The following FOLH1 variants were observed in gnomAD, a reference collection of about 807,000 sequenced individuals.
FOLH1 encodes the protein glutamate carboxypeptidase 2.
Under a neutral mutation model 93.9 loss-of-function variants are expected in FOLH1, and 54 were observed. That is an observed-to-expected ratio of 0.57 (90% CI 0.46 to 0.72). FOLH1 has a LOEUF of 0.72. Among genes scored for constraint, FOLH1 ranks in the 30% least tolerant of loss-of-function variants. The probability of loss-of-function intolerance (pLI) is 0.00; values close to 1 mark genes in which losing one functional copy is unlikely to be tolerated. For missense variants in FOLH1, 571 were observed against 892.5 expected (o/e 0.64, Z 4.59); for synonymous variants, 249 against 303.6 (o/e 0.82, Z 1.87).
At chr11:49,193,409 G>A (rs2135261398) in intron 3 of FOLH1, among the ~76,000 whole-genome samples, 1 of 152,312 alleles carries the variant, frequency 6.6e-6, no homozygotes, top group Non-Finnish European at 1.5e-5. Context: ...GAGAGAACTT[G>A]TAAGGACTAG....
chr11:49,183,281 G>A (rs1249843183), intron 6 of FOLH1, 39 bp from the exon 7 acceptor site: 2 of 1,490,738 alleles, frequency 1.3e-6, no homozygotes, highest in Admixed American at 3.6e-5. Flanking sequence ...TAAAAACTCA[G>A]TTTCATTCAA....
rs982739089 is a variant in FOLH1, at chr11:49,173,559, C to G, written c.1106-83G>C. 44 of 1,014,562 alleles carry G rather than the reference C, an allele frequency of 4.3e-5. No homozygotes were observed. In the African/African-American group the frequency reaches 7.8e-4, roughly 18 times the overall value. 62.8% of individuals were successfully genotyped at this position (1,014,562 alleles called of 1,614,324 possible). A position where few individuals can be genotyped will look rare whatever the true frequency, so the allele number is the denominator to read the frequency against. ...CAAATGACTCAATAGCATCTAAATA[C>G]AAAGCACTCACGCCTCAGAAAAAAA... On this transcript the variant is annotated intron_variant, in intron 9 of 18. Transcript: ENST00000256999.
chr11:49,172,507 T>C (rs1166140774), intron 10 of FOLH1, among the ~76,000 whole-genome samples: 2 of 152,160 alleles, frequency 1.3e-5, no homozygotes, highest in African/African-American at 4.8e-5. Flanking sequence ...TAAACCTTGG[T>C]TAACCTATCT....
intron 7 of FOLH1, among the ~76,000 whole-genome samples, chr11:49,180,021 G>A (rs1462661846): frequency 6.6e-6 from 1 of 152,196 alleles, no homozygotes; most frequent in Non-Finnish European, 1.5e-5. Flanking sequence ...ATAAGAATGA[G>A]CCAATACTAT....
Position 49,208,305 on chromosome 11 carries a change from G to C in FOLH1, c.105C>G (p.Leu35=). 6.4e-7 allele frequency: 1 copy of C among 1,568,938 alleles called. No homozygotes were observed. The highest frequency in any genetic ancestry group is 8.7e-7 in the Non-Finnish European group (1 of 1,154,928). The part of the protein sequence containing the change: ...ALVLAGGFFL[L]GFLFGWFIKS... ...GCGCCCCCCTACCGAAGAGGAAGCC[G>C]AGGAGAAAGAAGCCACCCGCCAGCA... is the stretch of plus-strand genomic sequence containing the variant. Residue 35 remains leucine, a synonymous_variant, in exon 1 of 19, where the codon CTC becomes CTG. Transcript: ENST00000256999.
In FOLH1 at chr11:49,190,205, T is replaced by G. The variant is rs571619179; in HGVS notation, c.513+2588A>C. Among the ~76,000 whole-genome samples, 4 of 152,330 alleles carry G rather than the reference T, an allele frequency of 2.6e-5. No homozygotes were observed. The South Asian group carries it at 6.2e-4, about 24-fold the overall frequency. ...CTTTAAATGTCTCTAAATGTGGCTG[T>G]CTTTTGATATATCAGCAATCCTCAC... On this transcript the variant is annotated intron_variant, in intron 4 of 18. Coordinates refer to ENST00000256999, the MANE Select transcript of FOLH1 (RefSeq NM_004476.3).
Position 49,146,868 on chromosome 11 carries a change from T to C in FOLH1, c.2141A>G (p.Asp714Gly). 6.2e-6 allele frequency: 10 copies of C among 1,613,472 alleles called. No individual in the cohort carries two copies. Among genetic ancestry groups the C allele is most frequent in the Non-Finnish European group, 8.5e-6 (10 of 1,179,622 alleles). The change falls in exon 19 of 19, where the codon GAT becomes GGT. Residue 714 changes from aspartate to glycine, a missense_variant. Physicochemically the swap from Asp to Gly is moderately conservative, Grantham distance 94. Transcript: ENST00000256999. ...GGAAGGGTCCACTTTGCTTTCAATA[T>C]CAAACAGAGCATCATAAATTCCTGG... is the stretch of plus-strand genomic sequence containing the variant. ...SFPGIYDALF[D>G]IESKVDPSKA...
At chr11:49,148,482 T>C (rs1209317993) in intron 18 of FOLH1, among the ~76,000 whole-genome samples, 157 bp downstream of exon 18, 1 of 151,706 alleles carries the variant, frequency 6.6e-6, no homozygotes, top group Non-Finnish European at 1.5e-5. Flanking sequence ...TTACATTATA[T>C]GAAGAAACAA....
intron 11 of FOLH1, among the ~76,000 whole-genome samples, chr11:49,170,890 T>C (rs1859179527): frequency 6.6e-6 from 1 of 152,052 alleles, no homozygotes; most frequent in Admixed American, 6.6e-5. Flanking sequence ...AGAAACTAAC[T>C]CCTTGTTTTG....
At chr11:49,178,774 C>T (rs913259565) in intron 7 of FOLH1, among the ~76,000 whole-genome samples, 1 of 152,064 alleles carries the variant, frequency 6.6e-6, no homozygotes, top group Non-Finnish European at 1.5e-5. Flanking sequence ...AAAATGTCTC[C>T]GAACATATTT....
At chr11:49,171,985 G>A (rs1394125589) in intron 10 of FOLH1, among the ~76,000 whole-genome samples, 1 of 152,092 alleles carries the variant, frequency 6.6e-6, no homozygotes, top group African/African-American at 2.4e-5. Context: ...GACACCACTT[G>A]ATTGTGGGAG....
chr11:49,196,291 C>T (rs189979782), intron 3 of FOLH1, among the ~76,000 whole-genome samples: 21 of 152,044 alleles, frequency 1.4e-4, no homozygotes, highest in East Asian at 5.8e-4. Context: ...TGTTATATGA[C>T]GTAAAATAGT....
chr11:49,180,641 C>T (rs144070727), intron 7 of FOLH1, among the ~76,000 whole-genome samples: 5 of 152,140 alleles, frequency 3.3e-5, no homozygotes, highest in Non-Finnish European at 7.3e-5. Flanking sequence ...GAGAGAACCT[C>T]AGAATTGAGT....
intron 12 of FOLH1, among the ~76,000 whole-genome samples, chr11:49,168,366 A>G (rs1301698099): frequency 1.3e-5 from 2 of 152,102 alleles, no homozygotes; most frequent in East Asian, 3.8e-4. Flanking sequence ...GTGGAGCTGG[A>G]TTGTAGTGAA....
chr11:49,192,235 T>C (rs1862138334), intron 4 of FOLH1, among the ~76,000 whole-genome samples: 1 of 152,144 alleles, frequency 6.6e-6, no homozygotes, highest in Non-Finnish European at 1.5e-5. Context: ...ACATAAGTCA[T>C]GAAGTTATAT....
intron 4 of FOLH1, among the ~76,000 whole-genome samples, chr11:49,189,153 C>T (rs1276435401): frequency 1.3e-5 from 2 of 152,128 alleles, no homozygotes; most frequent in Non-Finnish European, 2.9e-5. Flanking sequence ...AGCAGGACCT[C>T]ACGACAGGCT....
At chr11:49,149,744 T>A (rs647002) in intron 17 of FOLH1, among the ~76,000 whole-genome samples, 150,993 of 152,286 alleles carry the variant, frequency 0.99, 74,875 homozygotes, top group East Asian at 1. Context: ...AAATGAATTT[T>A]CTCAGTTAAA....
At chr11:49,174,353 T>C (rs1201451214) in intron 9 of FOLH1, among the ~76,000 whole-genome samples, 4 of 152,162 alleles carry the variant, frequency 2.6e-5, no homozygotes, top group Non-Finnish European at 5.9e-5. Flanking sequence ...AACTGAGCCT[T>C]CATGAACTAA....
At chr11:49,199,171 G>A (rs1863007276) in intron 3 of FOLH1, among the ~76,000 whole-genome samples, 1 of 152,032 alleles carries the variant, frequency 6.6e-6, no homozygotes, top group Non-Finnish European at 1.5e-5. Flanking sequence ...CATATTTCAA[G>A]CTACATGTAA....
Sources: allele counts gnomAD v4.1 joint callset (sites outside exome capture counted in the v4.1 genomes callset), GRCh38; gene constraint gnomAD v4.1.1; transcripts MANE v1.5; gene names NCBI Gene and HGNC (gene_info 2026-07-23, HGNC 2026-07-21).